CACNA2D3: variants seen among roughly 807,000 people sequenced by gnomAD.
The protein encoded by CACNA2D3 is voltage-dependent calcium channel subunit alpha-2/delta-3.
Under a neutral mutation model 160.6 loss-of-function variants are expected in CACNA2D3, and 60 were observed. That is an observed-to-expected ratio of 0.37 (90% CI 0.30 to 0.46). The LOEUF (loss-of-function observed/expected upper bound fraction) is 0.46. Among genes scored for constraint, CACNA2D3 ranks in the 20% least tolerant of loss-of-function variants. The probability of loss-of-function intolerance (pLI) is 1.00; values close to 1 mark genes in which losing one functional copy is unlikely to be tolerated. For synonymous variants in CACNA2D3, 558 were observed against 492.9 expected, an observed-to-expected ratio of 1.13 and a Z score of -1.75; for missense variants, 1,205 against 1,365.0, an observed-to-expected ratio of 0.88 and a Z score of 1.85.
intron 4 of CACNA2D3, among the ~76,000 whole-genome samples, chr3:54,468,844 T>G (rs1456202683): frequency 6.6e-6 from 1 of 152,130 alleles, no homozygotes; most frequent in Non-Finnish European, 1.5e-5. Context: ...CCACTGCAGC[T>G]CAGCAAAGCC....
intron 27 of CACNA2D3, among the ~76,000 whole-genome samples, chr3:54,908,344 C>T (rs1286176943): frequency 2.0e-5 from 3 of 152,140 alleles, no homozygotes; most frequent in African/African-American, 7.2e-5. Context: ...CTATTCAGAT[C>T]CTTTGCCCAT....
intron 13 of CACNA2D3, among the ~76,000 whole-genome samples, chr3:54,805,957 GAT>G (rs1357399795): frequency 1.3e-5 from 2 of 152,040 alleles, no homozygotes; most frequent in Non-Finnish European, 2.9e-5. Flanking sequence ...AAAACCACAT[GAT>G]TATCTCAATA....
chr3:54,695,579 C>G (rs1299339799), intron 11 of CACNA2D3, among the ~76,000 whole-genome samples: 3 of 152,068 alleles, frequency 2.0e-5, no homozygotes, highest in Admixed American at 6.5e-5. Flanking sequence ...TGCTCTCTTC[C>G]CCTTACCTGC....
intron 9 of CACNA2D3, 78 bp from the exon 10 acceptor site, chr3:54,627,709 C>A (rs995689732): frequency 1.2e-6 from 1 of 846,226 alleles, no homozygotes; most frequent in Admixed American, 2.0e-5. Flanking sequence ...CTTGCCATGG[C>A]GTACATCTAA....
chr3:54,761,081 T>G (rs1014097401), intron 12 of CACNA2D3, among the ~76,000 whole-genome samples: 7 of 152,140 alleles, frequency 4.6e-5, no homozygotes, highest in Non-Finnish European at 7.4e-5. Context: ...TCCCTCTCTA[T>G]CCTAATAACC....
At chr3:54,814,163 C>G (rs1703398358) in intron 13 of CACNA2D3, among the ~76,000 whole-genome samples, 1 of 152,178 alleles carries the variant, frequency 6.6e-6, no homozygotes, top group African/African-American at 2.4e-5. Context: ...GCCACTGCAC[C>G]TGGCTGGTCA....
intron 2 of CACNA2D3, among the ~76,000 whole-genome samples, chr3:54,135,402 T>C (rs73083953): frequency 0.45 from 68,189 of 152,094 alleles, 17,726 homozygotes; most frequent in Non-Finnish European, 0.59. Context: ...TGGGTTGTTT[T>C]TATTTGCATT....
chr3:54,764,085 G>C, intron 12 of CACNA2D3, 133 bp from the exon 13 acceptor site: 1 of 906,016 alleles, frequency 1.1e-6, no homozygotes, highest in Admixed American at 2.2e-5. Context: ...AGAAAAATGG[G>C]GGAGAGGAGC....
chr3:54,950,197 G>T (rs17054602), intron 27 of CACNA2D3, among the ~76,000 whole-genome samples: 9,829 of 152,234 alleles, frequency 0.065, 907 homozygotes, highest in African/African-American at 0.2. Context: ...TTCTTGTTTT[G>T]TTCTGAGCTG....
intron 4 of CACNA2D3, among the ~76,000 whole-genome samples, chr3:54,436,808 T>C (rs891752268): frequency 1.3e-5 from 2 of 152,038 alleles, no homozygotes; most frequent in African/African-American, 4.8e-5. Flanking sequence ...GGGAGAGCAT[T>C]AGGACAAATA....
chr3:54,528,312 T>G (rs1701756249), intron 5 of CACNA2D3, among the ~76,000 whole-genome samples: 1 of 151,728 alleles, frequency 6.6e-6, no homozygotes, highest in Non-Finnish European at 1.5e-5. Context: ...CCCAGAAGGT[T>G]GTTGTGAGGA....
At chr3:54,452,123 C>T (rs1181587021) in intron 4 of CACNA2D3, among the ~76,000 whole-genome samples, 1 of 152,196 alleles carries the variant, frequency 6.6e-6, no homozygotes, top group Non-Finnish European at 1.5e-5. Context: ...TAAAGACATA[C>T]CTGAGACTGG....
At chr3:54,363,196 A>AATATAT (rs377127378) in intron 3 of CACNA2D3, among the ~76,000 whole-genome samples, 35 of 151,410 alleles carry the variant, frequency 2.3e-4, no homozygotes, top group African/African-American at 8.2e-4. Context: ...TCCATCTCCA[A>AATATAT]ATATATATAT....
Position 54,846,447 on chromosome 3 carries a change from C to T in CACNA2D3, c.1606C>T (p.His536Tyr). Residue 536 changes from histidine to tyrosine, a missense_variant, in exon 17 of 38, where the codon CAT (histidine) becomes TAT (tyrosine). His to Tyr is a moderately conservative substitution (Grantham distance 83). Coordinates refer to ENST00000474759, the MANE Select transcript of CACNA2D3 (RefSeq NM_018398.3). Reference sequence around the variant, plus strand: ...CACAAATAATGGATATATCCTGACGCATCCGGAACTCAGGCTGCTGGTAAG... The same window carrying T: ...CACAAATAATGGATATATCCTGACGTATCCGGAACTCAGGCTGCTGGTAAG... ...AITNNGYILT[H>Y]PELRLLYEEG... is the part of the protein sequence containing the mutation. 6.2e-7 allele frequency: 1 copy of T among 1,601,448 alleles called. No individual in the cohort carries two copies. The highest frequency in any genetic ancestry group is 8.5e-7 in the Non-Finnish European group (1 of 1,172,610).
chr3:54,311,117 G>A (rs569926895), intron 2 of CACNA2D3, among the ~76,000 whole-genome samples: 5 of 152,312 alleles, frequency 3.3e-5, no homozygotes, highest in Admixed American at 1.3e-4. Flanking sequence ...CGAGTCAGCA[G>A]CACAGCAGCA....
At chr3:54,415,315 A>T (rs1054667965) in intron 4 of CACNA2D3, among the ~76,000 whole-genome samples, 27 of 152,238 alleles carry the variant, frequency 1.8e-4, no homozygotes, top group African/African-American at 6.3e-4. Flanking sequence ...CTACTGTTTA[A>T]TTTTTAAATT....
chr3:54,270,617 G>A (rs1034795296), intron 2 of CACNA2D3, among the ~76,000 whole-genome samples: 2 of 152,152 alleles, frequency 1.3e-5, no homozygotes, highest in African/African-American at 2.4e-5. Flanking sequence ...AAGCCTGGGT[G>A]GGCTCTGCTG....
intron 17 of CACNA2D3, among the ~76,000 whole-genome samples, chr3:54,867,878 G>C (rs1056554505): frequency 1.3e-5 from 2 of 152,192 alleles, no homozygotes; most frequent in African/African-American, 4.8e-5. Context: ...TGACATCCTG[G>C]AGCGATGTGG....
At chr3:54,426,986 C>T (rs977983350) in intron 4 of CACNA2D3, among the ~76,000 whole-genome samples, 2 of 152,070 alleles carry the variant, frequency 1.3e-5, no homozygotes, top group African/African-American at 4.8e-5. Context: ...TTTCTCTTCT[C>T]TCTCCTTCTC....
Sources: allele counts gnomAD v4.1 joint callset (sites outside exome capture counted in the v4.1 genomes callset), GRCh38; gene constraint gnomAD v4.1.1; transcripts MANE v1.5; gene names NCBI Gene and HGNC (gene_info 2026-07-23, HGNC 2026-07-21).